The following TRDN variants were observed in gnomAD, a reference collection of about 807,000 sequenced individuals.
The protein encoded by TRDN is triadin in skeletal muscle.
Under a neutral mutation model 149.7 loss-of-function variants are expected in TRDN, and 161 were observed. The ratio of observed to expected loss-of-function variants is 1.08; its 90% confidence interval spans 0.95 to 1.23. The LOEUF (loss-of-function observed/expected upper bound fraction) is 1.23, where lower values mean the gene tolerates loss of function less well. Among genes scored for constraint, TRDN ranks in the 50% most tolerant of loss-of-function variants. TRDN has a pLI of 0.00. For missense variants in TRDN, 896 were observed against 823.5 expected, an observed-to-expected ratio of 1.09 and a Z score of -1.08; for synonymous variants, 294 against 250.5, an observed-to-expected ratio of 1.17 and a Z score of -1.64.
chr6:123,393,075 T>C (rs1772566474), intron 13 of TRDN, among the ~76,000 whole-genome samples: 1 of 152,088 alleles, frequency 6.6e-6, no homozygotes, highest in South Asian at 2.1e-4. Flanking sequence ...TTAATCCTCA[T>C]GGTGTGAGAC....
intron 10 of TRDN, among the ~76,000 whole-genome samples, chr6:123,446,316 G>A (rs560985114): frequency 1.3e-5 from 2 of 152,040 alleles, no homozygotes; most frequent in African/African-American, 2.4e-5. Flanking sequence ...CAGCGCACCA[G>A]CGTGGCACAT....
At chr6:123,577,559 T>G (rs1235593121) in intron 1 of TRDN, among the ~76,000 whole-genome samples, 2 of 152,152 alleles carry the variant, frequency 1.3e-5, no homozygotes, top group Non-Finnish European at 2.9e-5. Flanking sequence ...GGTGGGCATT[T>G]AGGTTGATTT....
At chr6:123,532,683 A>G (rs1780306784) in intron 4 of TRDN, among the ~76,000 whole-genome samples, 1 of 151,856 alleles carries the variant, frequency 6.6e-6, no homozygotes, top group South Asian at 2.1e-4. Flanking sequence ...ATAATCTTCT[A>G]CTGGTTCTAC....
intron 4 of TRDN, among the ~76,000 whole-genome samples, chr6:123,531,148 A>C (rs1583197980): frequency 6.6e-6 from 1 of 152,028 alleles, no homozygotes; most frequent in East Asian, 1.9e-4. Context: ...TAGCAAATAT[A>C]TTCAATTTTC....
chr6:123,278,835 G>A (rs1224775340), intron 25 of TRDN, among the ~76,000 whole-genome samples: 3 of 152,156 alleles, frequency 2.0e-5, no homozygotes, highest in Non-Finnish European at 4.4e-5. Context: ...GGTAAGGAAA[G>A]ATGCTTCCAG....
At chr6:123,554,636 A>C (rs757346844) in intron 2 of TRDN, among the ~76,000 whole-genome samples, 1 of 152,184 alleles carries the variant, frequency 6.6e-6, no homozygotes, top group Non-Finnish European at 1.5e-5. Context: ...TCTTGAAGGT[A>C]AACAAATTTC....
At chr6:123,275,771 G>C (rs748193164) in intron 26 of TRDN, among the ~76,000 whole-genome samples, 129 of 152,202 alleles carry the variant, frequency 8.5e-4, no homozygotes, top group Non-Finnish European at 8.4e-4. Flanking sequence ...TCTGATGAGG[G>C]CTCAGAAAGA....
chr6:123,242,911 C>T (rs1179094714), intron 38 of TRDN, among the ~76,000 whole-genome samples: 1 of 152,064 alleles, frequency 6.6e-6, no homozygotes, highest in African/African-American at 2.4e-5. Flanking sequence ...TCATATTGAG[C>T]CCCACAGGCT....
intron 1 of TRDN, among the ~76,000 whole-genome samples, chr6:123,579,913 C>G (rs1359483792): frequency 6.6e-6 from 1 of 152,176 alleles, no homozygotes; most frequent in Non-Finnish European, 1.5e-5. Context: ...AAAGAAGGTG[C>G]CTTACTTTCC....
chr6:123,411,183 G>T (rs1433876987), intron 12 of TRDN, among the ~76,000 whole-genome samples: 1 of 151,288 alleles, frequency 6.6e-6, no homozygotes, highest in Non-Finnish European at 1.5e-5. Flanking sequence ...AGTAGCTGGG[G>T]TTACAGGTGC....
chr6:123,566,272 C>T (rs2114519267), intron 2 of TRDN, among the ~76,000 whole-genome samples: 1 of 152,222 alleles, frequency 6.6e-6, no homozygotes, highest in Admixed American at 6.5e-5. Context: ...GATGTTATCC[C>T]CATTTCACAG....
At chr6:123,543,420 T>C (rs1012906013) in intron 4 of TRDN, among the ~76,000 whole-genome samples, 3 of 152,200 alleles carry the variant, frequency 2.0e-5, no homozygotes, top group African/African-American at 7.2e-5. Context: ...TGATTGAGTT[T>C]AATCCCAGAA....
intron 10 of TRDN, among the ~76,000 whole-genome samples, chr6:123,460,800 T>C (rs916658595): frequency 1.3e-5 from 2 of 152,252 alleles, no homozygotes; most frequent in East Asian, 1.9e-4. Context: ...ATAAATTTTA[T>C]ATAATGTTCT....
At chr6:123,350,271 A>T (rs1780409407) in intron 21 of TRDN, 1 of 959,754 alleles carries the variant, frequency 1.0e-6, no homozygotes, top group Non-Finnish European at 1.2e-6. Flanking sequence ...TAAAACTTTC[A>T]ACTTAATTTT....
intron 10 of TRDN, among the ~76,000 whole-genome samples, chr6:123,457,910 C>G (rs1470027474): frequency 6.6e-6 from 1 of 152,164 alleles, no homozygotes; most frequent in Non-Finnish European, 1.5e-5. Flanking sequence ...ACAGCTTTCT[C>G]TCCAAAATTC....
At chr6:123,230,822 C>T (rs886594233) in intron 38 of TRDN, among the ~76,000 whole-genome samples, 2 of 151,832 alleles carry the variant, frequency 1.3e-5, no homozygotes, top group Non-Finnish European at 2.9e-5. Context: ...GTGAATATTA[C>T]CTTGAAGGTT....
chr6:123,424,090 CA>C (rs1774019392), intron 12 of TRDN, among the ~76,000 whole-genome samples: 1 of 152,074 alleles, frequency 6.6e-6, no homozygotes, highest in Non-Finnish European at 1.5e-5. Context: ...TGTCCATTGT[CA>C]TTTTTTGTTG....
chr6:123,285,342 C>G (rs1308072105), intron 24 of TRDN, among the ~76,000 whole-genome samples: 4 of 151,984 alleles, frequency 2.6e-5, no homozygotes, highest in Non-Finnish European at 5.9e-5. Flanking sequence ...TAAAAATAGG[C>G]ACAAAGACCA....
intron 12 of TRDN, among the ~76,000 whole-genome samples, chr6:123,412,057 T>C (rs1773463248): frequency 6.6e-6 from 1 of 152,192 alleles, no homozygotes; most frequent in Non-Finnish European, 1.5e-5. Flanking sequence ...AGCTTCAAAT[T>C]GGCCTTGGTG....
Sources: allele counts gnomAD v4.1 joint callset (sites outside exome capture counted in the v4.1 genomes callset), GRCh38; gene constraint gnomAD v4.1.1; transcripts MANE v1.5; gene names NCBI Gene and HGNC (gene_info 2026-07-23, HGNC 2026-07-21).